Variants in AOPEP observed in about 807,000 individuals in gnomAD.
AOPEP encodes aminopeptidase O (putative), also known as aminopeptidase O.
A neutral mutation model predicts 98.1 loss-of-function variants in AOPEP; 77 were observed. The ratio of observed to expected loss-of-function variants is 0.78; its 90% CI spans 0.65 to 0.95. The LOEUF (loss-of-function observed/expected upper bound fraction) is 0.95. AOPEP is among the 40% of genes least tolerant of loss of function. The pLI is 0.00. For synonymous variants in AOPEP, 346 were observed against 365.3 expected (o/e 0.95, Z 0.60); for missense variants, 1,024 against 1,024.7 (o/e 1.00, Z 0.01).
chr9:95,148,640 A>C, the AOPEP span, among the ~76,000 whole-genome samples: 22 of 152,346 alleles, frequency 1.4e-4, no homozygotes, highest in South Asian at 4.3e-3. Flanking sequence ...CATATGAAAT[A>C]TGTCAATGTT....
At chr9:94,730,397 A>T (rs1330216852) in intron 1 of AOPEP, among the ~76,000 whole-genome samples, 1 of 152,148 alleles carries the variant, frequency 6.6e-6, no homozygotes, top group Non-Finnish European at 1.5e-5. Flanking sequence ...GAGAGTGAAG[A>T]AAAAACGACA....
chr9:95,090,731 G>T (rs892665338), downstream of AOPEP, among the ~76,000 whole-genome samples: 1 of 152,224 alleles, frequency 6.6e-6, no homozygotes, highest in Non-Finnish European at 1.5e-5. Flanking sequence ...GGGAATTCTG[G>T]CTGGACAAAG....
At chr9:95,149,805 T>C in the AOPEP span, 1 of 1,161,566 alleles carries the variant, frequency 8.6e-7, no homozygotes, top group Admixed American at 2.0e-5. Flanking sequence ...TTTAAGAGTA[T>C]AAAGGGTACT....
intron 11 of AOPEP, among the ~76,000 whole-genome samples, chr9:94,995,120 A>G (rs1337006829): frequency 2.0e-5 from 3 of 152,166 alleles, no homozygotes; most frequent in African/African-American, 7.2e-5. Flanking sequence ...ATTGGAAGGG[A>G]TACACACTTG....
intron 3 of AOPEP, 180 bp downstream of exon 3, chr9:94,773,348 C>G: frequency 4.0e-6 from 2 of 503,182 alleles, no homozygotes; most frequent in Admixed American, 3.3e-5. Flanking sequence ...ACTTAGGAGC[C>G]TGGGCATGGG....
At chr9:94,783,184 G>A (rs573355466) in intron 3 of AOPEP, among the ~76,000 whole-genome samples, 32 of 152,286 alleles carry the variant, frequency 2.1e-4, no homozygotes, top group African/African-American at 7.2e-4. Context: ...TAGGTATCCC[G>A]TTAGCCAACA....
At chr9:94,979,523 T>C (rs2060049429) in intron 11 of AOPEP, 96 bp downstream of exon 11, 4 of 761,186 alleles carry the variant, frequency 5.3e-6, no homozygotes, top group Non-Finnish European at 4.6e-6. Flanking sequence ...AATATATGTG[T>C]AGGAAAGTAA....
At chr9:95,131,084 T>C in the AOPEP span, among the ~76,000 whole-genome samples, 1 of 152,264 alleles carries the variant, frequency 6.6e-6, no homozygotes, top group Admixed American at 6.5e-5. Context: ...TACCAGATGT[T>C]GTTTATACAC....
intron 5 of AOPEP, among the ~76,000 whole-genome samples, chr9:94,854,351 A>G (rs1183477543): frequency 6.6e-6 from 1 of 152,188 alleles, no homozygotes; most frequent in African/African-American, 2.4e-5. Flanking sequence ...ATGTGGTATG[A>G]ATTAAAAACA....
the AOPEP span, among the ~76,000 whole-genome samples, chr9:95,112,317 A>G: frequency 6.6e-6 from 1 of 152,188 alleles, no homozygotes; most frequent in South Asian, 2.1e-4. Context: ...AGATGAGAAC[A>G]TTCCTTCTGG....
At chr9:94,801,091 T>A (rs892319707) in intron 5 of AOPEP, 89 bp downstream of exon 5, 3 of 1,457,028 alleles carry the variant, frequency 2.1e-6, no homozygotes, top group African/African-American at 2.8e-5. Flanking sequence ...GTCAGAGCAG[T>A]CATTTGATTA....
At chr9:95,083,588 C>G (rs2134274792) in intron 16 of AOPEP, among the ~76,000 whole-genome samples, 1 of 151,676 alleles carries the variant, frequency 6.6e-6, no homozygotes, top group Non-Finnish European at 1.5e-5. Context: ...ACACAGAGCA[C>G]ACACAGCACA....
chr9:94,914,297 CTG>C (rs1421136042), intron 5 of AOPEP, among the ~76,000 whole-genome samples: 1 of 152,202 alleles, frequency 6.6e-6, no homozygotes, highest in Non-Finnish European at 1.5e-5. Flanking sequence ...CCACAGCAAA[CTG>C]GAGAGCCCAA....
intron 13 of AOPEP, among the ~76,000 whole-genome samples, chr9:95,032,391 C>T (rs959017390): frequency 1.3e-5 from 2 of 152,256 alleles, no homozygotes; most frequent in Admixed American, 6.5e-5. Flanking sequence ...GCAGATACTG[C>T]AGCATTGGTT....
intron 5 of AOPEP, among the ~76,000 whole-genome samples, chr9:94,919,958 T>G (rs938277329): frequency 6.6e-6 from 1 of 152,172 alleles, no homozygotes; most frequent in African/African-American, 2.4e-5. Context: ...TTGATAAATG[T>G]AAGTCTGTAT....
chr9:94,809,814 T>C (rs1850074437), intron 5 of AOPEP: 1 of 153,964 alleles, frequency 6.5e-6, no homozygotes, highest in Non-Finnish European at 1.5e-5. Flanking sequence ...AAAACAATTA[T>C]GAAAGTAAAT....
At chr9:94,882,099 T>G (rs552724683) in intron 5 of AOPEP, among the ~76,000 whole-genome samples, 1 of 152,230 alleles carries the variant, frequency 6.6e-6, no homozygotes, top group Non-Finnish European at 1.5e-5. Context: ...GGAGTGAAGG[T>G]GGTTATGGCG....
At chr9:95,098,929 C>T in the AOPEP span, 4 of 171,754 alleles carry the variant, frequency 2.3e-5, no homozygotes, top group African/African-American at 9.5e-5. Flanking sequence ...GGCCCAGAGG[C>T]TAAGCCATCC....
intron 5 of AOPEP, among the ~76,000 whole-genome samples, chr9:94,861,177 G>A (rs917020401): frequency 1.3e-5 from 2 of 152,204 alleles, no homozygotes; most frequent in Non-Finnish European, 2.9e-5. Context: ...CTCTGGCCAA[G>A]GCAAATTGTG....
Sources: gnomAD v4.1 joint callset for allele counts (sites outside exome capture counted in the v4.1 genomes callset) on GRCh38, gnomAD v4.1.1 for gene constraint, MANE v1.5 for transcripts, NCBI Gene and HGNC (gene_info 2026-07-23, HGNC 2026-07-21) for gene names.